The following RAPGEF5 variants were observed in gnomAD, a reference collection of about 807,000 sequenced individuals.
RAPGEF5 encodes the protein M-Ras-regulated GEF.
In RAPGEF5, 65 loss-of-function variants were observed where a neutral mutation model predicts 125.2. The observed-to-expected ratio is 0.52, with a 90% confidence interval of 0.43 to 0.64. The LOEUF (loss-of-function observed/expected upper bound fraction) is 0.64. Ranked by LOEUF, RAPGEF5 falls within the 30% of genes least tolerant of loss-of-function variation. RAPGEF5 has a pLI of 0.00. For missense variants in RAPGEF5, 958 were observed against 1,048.1 expected, an observed-to-expected ratio of 0.91 and a Z score of 1.19; for synonymous variants, 391 against 385.9, an observed-to-expected ratio of 1.01 and a Z score of -0.16.
At chr7:22,154,257 G>A (rs1338322868) in intron 17 of RAPGEF5, among the ~76,000 whole-genome samples, 198 bp downstream of exon 17, 1 of 152,116 alleles carries the variant, frequency 6.6e-6, no homozygotes, top group Non-Finnish European at 1.5e-5. Context: ...CAGTTCTTGG[G>A]GAGGAAATTC....
At chr7:22,263,604 C>T (rs1391716072) in intron 7 of RAPGEF5, among the ~76,000 whole-genome samples, 1 of 151,882 alleles carries the variant, frequency 6.6e-6, no homozygotes, top group Non-Finnish European at 1.5e-5. Context: ...GTGGTACATG[C>T]CTGTATTCCC....
At chr7:22,126,551 A>T (rs1002654920) in intron 24 of RAPGEF5, among the ~76,000 whole-genome samples, 2 of 152,242 alleles carry the variant, frequency 1.3e-5, no homozygotes, top group African/African-American at 4.8e-5. Context: ...AGGTTCAAGT[A>T]TCTTAAATTG....
Position 22,311,260 on chromosome 7 carries a change from C to T in RAPGEF5, c.390-1170G>A, listed in dbSNP as rs192119170. 4.4e-3 allele frequency among the ~76,000 whole-genome samples: 675 copies of T among 152,268 alleles called. 4 individuals carry two copies. Among genetic ancestry groups the T allele is most frequent in the African/African-American group, 0.014 (600 of 41,542 alleles). The stretch of plus-strand genomic sequence containing the variant: ...CTCAAACTCCTGAGCTCAAGTGATC[C>T]TGCCTCAGCTGCCCAAACTGCGGAG... On this transcript the variant is annotated intron_variant, in intron 3 of 25. Transcript: ENST00000665637.
chr7:22,229,599 G>A (rs1786008841), intron 8 of RAPGEF5, among the ~76,000 whole-genome samples: 1 of 152,182 alleles, frequency 6.6e-6, no homozygotes, highest in Non-Finnish European at 1.5e-5. Flanking sequence ...TTCTGCCTAT[G>A]TATCTGATGG....
chr7:22,241,445 A>T (rs1786328880), intron 7 of RAPGEF5, among the ~76,000 whole-genome samples: 1 of 152,178 alleles, frequency 6.6e-6, no homozygotes, highest in African/African-American at 2.4e-5. Context: ...TAAGACTGGA[A>T]AATTTGCCTT....
At chr7:22,296,682 G>T (rs117078442) in intron 5 of RAPGEF5, among the ~76,000 whole-genome samples, 2 of 152,206 alleles carry the variant, frequency 1.3e-5, no homozygotes, top group Non-Finnish European at 2.9e-5. Flanking sequence ...GTTCTCTACT[G>T]TCTCTAGGAA....
chr7:22,193,216 AATC>A, intron 11 of RAPGEF5, 148 bp downstream of exon 11: 1 of 823,148 alleles, frequency 1.2e-6, no homozygotes, highest in Non-Finnish European at 1.9e-6. Context: ...GATTTAAACA[AATC>A]AGCACAAGGC....
chr7:22,174,816 G>A (rs1784455768), intron 11 of RAPGEF5, among the ~76,000 whole-genome samples: 2 of 152,198 alleles, frequency 1.3e-5, no homozygotes, highest in Admixed American at 1.3e-4. Flanking sequence ...AGGATAAGGG[G>A]AGGGAGGTGA....
chr7:22,168,728 T>C (rs950105321), intron 11 of RAPGEF5, among the ~76,000 whole-genome samples: 1 of 152,242 alleles, frequency 6.6e-6, no homozygotes, highest in African/African-American at 2.4e-5. Flanking sequence ...CAGTTCTATA[T>C]TAGCTGCAGG....
intron 1 of RAPGEF5, among the ~76,000 whole-genome samples, chr7:22,333,926 G>A (rs957126751): frequency 2.6e-5 from 4 of 152,170 alleles, no homozygotes; most frequent in Admixed American, 2.6e-4. Context: ...TCGTGCTTGT[G>A]CCCCAAGAAA....
At chr7:22,129,986 T>G in intron 24 of RAPGEF5, among the ~76,000 whole-genome samples, 1 of 152,168 alleles carries the variant, frequency 6.6e-6, no homozygotes, top group Non-Finnish European at 1.5e-5. Flanking sequence ...GCAGGACTCA[T>G]CAGTTCCTAC....
intron 16 of RAPGEF5, 34 bp from the exon 17 acceptor site, chr7:22,154,638 G>C (rs1309232162): frequency 2.5e-6 from 4 of 1,606,172 alleles, no homozygotes; most frequent in African/African-American, 2.7e-5. Context: ...TGGAAACAGA[G>C]AACAGTGGTC....
At chr7:22,252,585 G>C (rs1464299636) in intron 7 of RAPGEF5, among the ~76,000 whole-genome samples, 2 of 152,170 alleles carry the variant, frequency 1.3e-5, no homozygotes, top group Non-Finnish European at 2.9e-5. Context: ...CAATTCTCAG[G>C]GTTAAAGGAA....
intron 14 of RAPGEF5, 52 bp downstream of exon 14, chr7:22,160,466 A>AT: frequency 6.7e-7 from 1 of 1,502,378 alleles, no homozygotes; most frequent in Non-Finnish European, 9.0e-7. Context: ...ATTCTATCAT[A>AT]TTTGCTGCTG....
rs1346477089 is a variant in RAPGEF5 at position 22,125,661 on chromosome 7, G to C, written c.2482-3C>G. ...CGGACAGTGTCTGCGATCATATGCT[G>C]TAAAGTAGAACAGGAAACACATCAA... On this transcript the variant is annotated splice_polypyrimidine_tract_variant and splice_region_variant and intron_variant, in intron 24 of 25. Transcript: ENST00000665637. 1.2e-6 allele frequency: 2 copies of C among 1,608,642 alleles called. No homozygotes were observed. The highest frequency in any genetic ancestry group is 2.2e-5 in the South Asian group (2 of 90,976).
At chr7:22,172,590 G>C (rs1784384334) in intron 11 of RAPGEF5, among the ~76,000 whole-genome samples, 1 of 152,066 alleles carries the variant, frequency 6.6e-6, no homozygotes, top group African/African-American at 2.4e-5. Context: ...AGTATCCCTA[G>C]AGCATGCTAG....
intron 5 of RAPGEF5, among the ~76,000 whole-genome samples, chr7:22,304,602 T>C (rs1487935384): frequency 6.6e-6 from 1 of 152,172 alleles, no homozygotes; most frequent in Non-Finnish European, 1.5e-5. Flanking sequence ...CGAGGACAGC[T>C]TGCAAGTTTA....
chr7:22,339,431 T>C (rs1784086279), intron 1 of RAPGEF5, among the ~76,000 whole-genome samples: 1 of 152,248 alleles, frequency 6.6e-6, no homozygotes, highest in East Asian at 1.9e-4. Flanking sequence ...CAAAATGTTT[T>C]AGTAAGAAAG....
intron 3 of RAPGEF5, among the ~76,000 whole-genome samples, chr7:22,312,700 C>G (rs1783501448): frequency 2.0e-5 from 3 of 152,212 alleles, no homozygotes; most frequent in Non-Finnish European, 4.4e-5. Context: ...AGCAAACTAC[C>G]ATTTCTGTTG....
Sources: allele counts gnomAD v4.1 joint callset (sites outside exome capture counted in the v4.1 genomes callset), GRCh38; gene constraint gnomAD v4.1.1; transcripts MANE v1.5; gene names NCBI Gene and HGNC (gene_info 2026-07-23, HGNC 2026-07-21).